Variants in GALNT9 observed in about 807,000 individuals in gnomAD.
GALNT9 encodes the protein polypeptide N-acetylgalactosaminyltransferase 9.
Under a neutral mutation model 63.1 loss-of-function variants are expected in GALNT9, and 47 were observed. That is an observed-to-expected ratio of 0.75 (90% confidence interval 0.59 to 0.95). The LOEUF is 0.95. Ranked by LOEUF, GALNT9 falls within the 40% of genes least tolerant of loss-of-function variation. GALNT9 has a pLI of 0.00. For synonymous variants in GALNT9, 396 were observed against 365.7 expected (o/e 1.08, Z -0.94); for missense variants, 829 against 874.8 (o/e 0.95, Z 0.66).
chr12:132,262,336 C>A, intron 3 of GALNT9, 123 bp downstream of exon 3: 11 of 1,294,856 alleles, frequency 8.5e-6, no homozygotes, highest in South Asian at 6.2e-5. Flanking sequence ...GGTTTAGAGC[C>A]CCTGCGGACA....
chr12:132,290,116 CA>C (rs1880750371), intron 1 of GALNT9, among the ~76,000 whole-genome samples: 1 of 152,122 alleles, frequency 6.6e-6, no homozygotes, highest in South Asian at 2.1e-4. Context: ...GTGGCTTCAT[CA>C]GGGGTGCCAA....
chr12:132,278,984 G>GCCCAT (rs142889359), intron 2 of GALNT9: 2 of 135,902 alleles, frequency 1.5e-5, no homozygotes, highest in Admixed American at 6.9e-5. Flanking sequence ...ACCCAGCCCA[G>GCCCAT]CCCATCCCAT....
chr12:132,202,076 C>T (rs1876183278), intron 7 of GALNT9, among the ~76,000 whole-genome samples: 1 of 152,240 alleles, frequency 6.6e-6, no homozygotes, highest in Non-Finnish European at 1.5e-5. Context: ...GGACAGTCCC[C>T]TATCTTCTCT....
intron 1 of GALNT9, among the ~76,000 whole-genome samples, chr12:132,309,925 C>T (rs1412638312): frequency 5.3e-5 from 8 of 152,242 alleles, no homozygotes; most frequent in East Asian, 1.9e-4. Flanking sequence ...TTGATGGCAG[C>T]GGGCGCAGGT....
intron 6 of GALNT9, among the ~76,000 whole-genome samples, chr12:132,216,225 G>A (rs1443896287): frequency 6.6e-6 from 1 of 152,136 alleles, no homozygotes; most frequent in Non-Finnish European, 1.5e-5. Context: ...AGAGACAAAG[G>A]AACAGATTAT....
At chr12:132,230,217 C>T (rs1877840091) in intron 6 of GALNT9, among the ~76,000 whole-genome samples, 1 of 152,204 alleles carries the variant, frequency 6.6e-6, no homozygotes. Context: ...GCACCCCCTG[C>T]CATGTGTGTG....
At chr12:132,243,434 C>G (rs2136905466) in intron 6 of GALNT9, among the ~76,000 whole-genome samples, 3 of 97,212 alleles carry the variant, frequency 3.1e-5, no homozygotes, top group Non-Finnish European at 4.5e-5. Context: ...TCTTCCGGAG[C>G]TCTCTCTCTC....
At chr12:132,205,290 CG>C (rs1479833316) in intron 6 of GALNT9, 4 of 152,336 alleles carry the variant, frequency 2.6e-5, no homozygotes, top group Non-Finnish European at 4.4e-5. Context: ...CTCCCTCCCC[CG>C]GACTCTCTGC....
intron 4 of GALNT9, among the ~76,000 whole-genome samples, chr12:132,258,219 G>T (rs1438244461): frequency 1.3e-5 from 2 of 152,142 alleles, no homozygotes; most frequent in African/African-American, 4.8e-5. Flanking sequence ...CCACCACGGG[G>T]CTCCCCAGCT....
intron 7 of GALNT9, 146 bp downstream of exon 7, chr12:132,203,359 C>T (rs1876337423): frequency 4.5e-6 from 3 of 672,828 alleles, no homozygotes; most frequent in Non-Finnish European, 7.5e-6. Context: ...CCTGCACACA[C>T]AACTGCTTGC....
At position 132,299,191 on chromosome 12, in the gene GALNT9, C is replaced by G. The variant is rs566165177; in HGVS notation, c.239-12761G>C. ...ACCCACCCCTGAGATAACCAACCCACTCCTGAGATGACTCACTCCCATAAC... is the reference window on the plus strand; with the variant it reads ...ACCCACCCCTGAGATAACCAACCCAGTCCTGAGATGACTCACTCCCATAAC... On this transcript the variant is annotated intron_variant, in intron 1 of 10. Coordinates refer to ENST00000328957, the MANE Select transcript of GALNT9 (RefSeq NM_001122636.2). Among the ~76,000 whole-genome samples the G allele has an allele frequency of 2.1e-5, 3 of 144,284 alleles. No individual in the cohort carries two copies. In the South Asian group the frequency reaches 7.5e-4, roughly 36 times the overall value. The allele number at this position is 144,284 out of a possible 152,430, so 94.7% of individuals were successfully genotyped here. A position where few individuals can be genotyped will look rare whatever the true frequency, so the allele number is the denominator to read the frequency against.
intron 8 of GALNT9, 68 bp downstream of exon 8, chr12:132,201,056 G>A (rs1876043473): frequency 1.4e-6 from 2 of 1,426,208 alleles, no homozygotes; most frequent in South Asian, 1.3e-5. Context: ...CACCCTGAAT[G>A]CATACGTGTG....
At position 132,302,916 on chromosome 12, in the gene GALNT9, G is replaced by A. The variant is rs112171566; in HGVS notation, c.239-16486C>T. ...TGAGCTGAGAGGGAGAGAGGAGGGT[G>A]GGCACAGTGGTCAGGTTTTCTATGC... On this transcript the variant is annotated intron_variant, in intron 1 of 10. Coordinates refer to ENST00000328957, the MANE Select transcript of GALNT9 (RefSeq NM_001122636.2). 5.9e-5 allele frequency among the ~76,000 whole-genome samples: 9 copies of A among 152,144 alleles called. No individual in the cohort carries two copies. In the South Asian group the frequency reaches 1.0e-3, roughly 18 times the overall value.
At chr12:132,317,687 T>A (rs1428988251) in intron 1 of GALNT9, among the ~76,000 whole-genome samples, 4 of 152,170 alleles carry the variant, frequency 2.6e-5, no homozygotes, top group African/African-American at 7.2e-5. Context: ...CAGACCCCCC[T>A]CGCTCAGTAG....
intron 1 of GALNT9, among the ~76,000 whole-genome samples, chr12:132,299,699 C>G (rs868940916): frequency 1.4e-5 from 2 of 142,636 alleles, no homozygotes; most frequent in Middle Eastern, 3.9e-3. Flanking sequence ...CCTGAGATGA[C>G]CAAGCCACTG....
rs983926991 is a variant in GALNT9 at position 132,286,631 on chromosome 12, C to T, written c.239-201G>A. Among the ~76,000 whole-genome samples the T allele has an allele frequency of 6.6e-6, 1 of 152,066 alleles. No individual in the cohort carries two copies. ...CGCGGAGTGAGAGGGCGGTGCCAGG[C>T]GGAAGAGGGAGGGATGAATGGGTGG... On this transcript the variant is annotated intron_variant, in intron 1 of 10. Transcript: ENST00000328957. The surrounding 1 kb of genome is among the most constrained non-coding windows in gnomAD (Gnocchi z 7.4).
At chr12:132,261,694 C>T (rs1049691448) in intron 3 of GALNT9, among the ~76,000 whole-genome samples, 1 of 152,264 alleles carries the variant, frequency 6.6e-6, no homozygotes, top group East Asian at 1.9e-4. Context: ...AGCCCCATGG[C>T]ACAGCCTCCT....
Position 132,323,389 on chromosome 12 carries a change from G to A in GALNT9, c.238+5577C>T, listed in dbSNP as rs1474001623. Among the ~76,000 whole-genome samples, 6 of 152,180 alleles carry A rather than the reference G, an allele frequency of 3.9e-5. No individual in the cohort carries two copies. In the South Asian group the frequency reaches 6.2e-4, roughly 16 times the overall value. ...GGCCTGCTCTACGCAGGTCTGCTCC[G>A]CCCCAAGGGAAGTGGCTGACAAGTG... On this transcript the variant is annotated intron_variant, in intron 1 of 10. Transcript: ENST00000328957.
At chr12:132,313,450 C>T (rs1881889397) in intron 1 of GALNT9, among the ~76,000 whole-genome samples, 1 of 149,292 alleles carries the variant, frequency 6.7e-6, no homozygotes, top group South Asian at 2.1e-4. Flanking sequence ...TCCATCCATC[C>T]ATCCACTCAC....
Sources: gnomAD v4.1 joint callset for allele counts (sites outside exome capture counted in the v4.1 genomes callset) on GRCh38, gnomAD v4.1.1 for gene constraint, Gnocchi (gnomAD v3.1) non-coding constraint, MANE v1.5 for transcripts, NCBI Gene and HGNC (gene_info 2026-07-23, HGNC 2026-07-21) for gene names.